The following STK32B variants were observed in gnomAD, a reference collection of about 807,000 sequenced individuals.
The protein encoded by STK32B is serine/threonine-protein kinase 32B.
STK32B carries 43 observed loss-of-function variants against 52.6 expected under a neutral mutation model. The ratio of observed to expected loss-of-function variants is 0.82; its 90% CI spans 0.64 to 1.05. The LOEUF (loss-of-function observed/expected upper bound fraction) is 1.05. STK32B is among the 50% of genes least tolerant of loss of function. STK32B has a pLI of 0.00. For missense variants in STK32B, 621 were observed against 534.6 expected (o/e 1.16, Z -1.59); for synonymous variants, 238 against 204.3 (o/e 1.17, Z -1.41).
rs1431026947 is a variant in STK32B, at chr4:5,499,573, T to G, written c.*490T>G. 1 of 152,738 alleles carries G rather than the reference T, an allele frequency of 6.5e-6. No individual in the cohort carries two copies. The highest frequency in any genetic ancestry group is 1.5e-5 in the Non-Finnish European group (1 of 68,444). 9.5% of individuals were successfully genotyped at this position (152,738 alleles called of 1,614,324 possible). A position where few individuals can be genotyped will look rare whatever the true frequency, so the allele number is the denominator to read the frequency against. ...AATAAAGGTCTGATATGTTGGCCCC[T>G]TCTATGGAAACAACGCTGCCAAATC... is the stretch of plus-strand genomic sequence containing the variant. On this transcript the variant is annotated 3_prime_UTR_variant, in exon 12 of 12. Coordinates refer to ENST00000282908, the MANE Select transcript of STK32B (RefSeq NM_018401.3).
At position 5,400,067 on chromosome 4, in the gene STK32B, A is replaced by G. The variant is rs1008930105; in HGVS notation, c.472+1823A>G. On this transcript the variant is annotated intron_variant, in intron 5 of 11. Coordinates refer to ENST00000282908, the MANE Select transcript of STK32B (RefSeq NM_018401.3). The surrounding 1 kb of genome is among the most constrained non-coding windows in gnomAD (Gnocchi z 6.1). The stretch of plus-strand genomic sequence containing the variant: ...AGCGGTCCAGAAGCAAAATTCAGAC[A>G]GAAACATCAATAGCAATAAGCTAGC... Among the ~76,000 whole-genome samples, 2 of 152,198 alleles carry G rather than the reference A, an allele frequency of 1.3e-5. No homozygotes were observed. The highest frequency in any genetic ancestry group is 4.8e-5 in the African/African-American group (2 of 41,436).
intron 6 of STK32B, among the ~76,000 whole-genome samples, chr4:5,420,419 T>C (rs1031387510): frequency 6.6e-6 from 1 of 151,918 alleles, no homozygotes; most frequent in Admixed American, 6.6e-5. Flanking sequence ...TCAAGAGAGA[T>C]CAACTGGGCG....
intron 3 of STK32B, among the ~76,000 whole-genome samples, chr4:5,172,005 C>T (rs1232119494): frequency 6.6e-6 from 1 of 151,868 alleles, no homozygotes; most frequent in Non-Finnish European, 1.5e-5. Flanking sequence ...TTGTAGTTCT[C>T]CTTGAAGAGG....
intron 11 of STK32B, 22 bp from the exon 12 acceptor site, chr4:5,498,923 T>C: frequency 6.2e-7 from 1 of 1,606,330 alleles, no homozygotes; most frequent in Non-Finnish European, 8.5e-7. Flanking sequence ...CACCACTAAC[T>C]CAGATCTGTG....
chr4:5,321,150 A>G (rs926242019), intron 3 of STK32B, among the ~76,000 whole-genome samples: 14 of 152,126 alleles, frequency 9.2e-5, no homozygotes, highest in African/African-American at 2.7e-4. Flanking sequence ...GCTTCTCTGA[A>G]CATCAGTTCT....
At chr4:5,281,732 CAA>C (rs1466658620) in intron 3 of STK32B, among the ~76,000 whole-genome samples, 3 of 152,046 alleles carry the variant, frequency 2.0e-5, no homozygotes, top group African/African-American at 2.4e-5. Context: ...AAAAGCAAGA[CAA>C]GAGTAAGTGC....
intron 3 of STK32B, among the ~76,000 whole-genome samples, chr4:5,289,071 A>G (rs1035002798): frequency 6.6e-6 from 1 of 152,222 alleles, no homozygotes; most frequent in African/African-American, 2.4e-5. Flanking sequence ...CACTGTGTGA[A>G]TATCACAGAG....
chr4:5,238,703 A>C (rs1724799070), intron 3 of STK32B, among the ~76,000 whole-genome samples: 1 of 152,216 alleles, frequency 6.6e-6, no homozygotes. Context: ...GCCAGCGTTT[A>C]GAATCAGATC....
chr4:5,251,139 A>T lies in STK32B; in HGVS notation c.261-80081A>T, dbSNP rs186912032. On this transcript the variant is annotated intron_variant, in intron 3 of 11. Transcript: ENST00000282908. ...CATCATGAAACCTTTTCTAGGCCCA[A>T]TGTCTAGAATGCTGTTTCCTAGGTT... Among the ~76,000 whole-genome samples, 10 of 152,304 alleles carry T rather than the reference A, an allele frequency of 6.6e-5. No homozygotes were observed. In the South Asian group the frequency reaches 2.1e-3, roughly 32 times the overall value.
intron 3 of STK32B, among the ~76,000 whole-genome samples, chr4:5,287,916 T>G (rs1728655424): frequency 6.6e-6 from 1 of 152,200 alleles, no homozygotes; most frequent in Non-Finnish European, 1.5e-5. Flanking sequence ...GCAGTCACTG[T>G]TGATTCCCTG....
intron 3 of STK32B, among the ~76,000 whole-genome samples, chr4:5,192,895 C>T (rs994780711): frequency 6.6e-6 from 1 of 152,212 alleles, no homozygotes; most frequent in African/African-American, 2.4e-5. Flanking sequence ...CCCTGGCACC[C>T]TCCGTTCCAC....
chr4:5,496,560 G>A (rs918041759), intron 11 of STK32B, among the ~76,000 whole-genome samples: 1 of 121,148 alleles, frequency 8.3e-6, no homozygotes, highest in Admixed American at 7.4e-5. Context: ...TGCACCCACT[G>A]TCCTGTGCCC....
chr4:5,410,902 G>A (rs1030354834), intron 5 of STK32B, among the ~76,000 whole-genome samples: 11 of 152,160 alleles, frequency 7.2e-5, no homozygotes, highest in Non-Finnish European at 1.0e-4. Context: ...TCTGGTGAGG[G>A]CTGCTCTCTG....
rs781445086 is a variant in STK32B, at chr4:5,456,883, C to T, written c.743C>T (p.Ser248Phe). 5.6e-6 allele frequency: 9 copies of T among 1,594,274 alleles called. No individual in the cohort carries two copies. Among genetic ancestry groups the T allele is most frequent in the South Asian group, 4.6e-5 (4 of 86,752 alleles). ...TTCAAGGTGGAGCGTGTCCACTACT[C>T]CTCCACGTGGTGCAAGGGGATGGTG... Reference protein sequence around the residue: ...NMFKVERVHYSSTWCKGMVAL... With the variant: ...NMFKVERVHYFSTWCKGMVAL... The change falls in exon 8 of 12, where the codon TCC (serine) becomes TTC (phenylalanine). Residue 248 changes from serine to phenylalanine, a missense_variant. Physicochemically the swap from Ser to Phe is radical, Grantham distance 155. Coordinates refer to ENST00000282908, the MANE Select transcript of STK32B (RefSeq NM_018401.3).
At chr4:5,281,520 A>G (rs1279659584) in intron 3 of STK32B, among the ~76,000 whole-genome samples, 1 of 152,190 alleles carries the variant, frequency 6.6e-6, no homozygotes, top group African/African-American at 2.4e-5. Flanking sequence ...TTACAGGTTG[A>G]TGGATGCAGC....
At chr4:5,183,136 C>T (rs1477236582) in intron 3 of STK32B, among the ~76,000 whole-genome samples, 2 of 152,038 alleles carry the variant, frequency 1.3e-5, no homozygotes, top group Non-Finnish European at 2.9e-5. Flanking sequence ...TTAAAGTCAC[C>T]GACTGCATTA....
chr4:5,374,033 A>T (rs1365935644), intron 4 of STK32B, among the ~76,000 whole-genome samples: 6 of 152,242 alleles, frequency 3.9e-5, no homozygotes, highest in African/African-American at 1.2e-4. Flanking sequence ...CCAATGACTG[A>T]TGTCTTTATA....
intron 3 of STK32B, among the ~76,000 whole-genome samples, chr4:5,235,194 A>G (rs1724537366): frequency 6.6e-6 from 1 of 152,230 alleles, no homozygotes; most frequent in South Asian, 2.1e-4. Context: ...TGGTCTATAA[A>G]ATGGTGATTG....
chr4:5,364,570 C>A (rs1734752312), intron 4 of STK32B, among the ~76,000 whole-genome samples: 1 of 152,154 alleles, frequency 6.6e-6, no homozygotes, highest in Non-Finnish European at 1.5e-5. Context: ...CACAACTAGC[C>A]AAGAGAAAAT....
Sources: gnomAD v4.1 joint callset for allele counts (sites outside exome capture counted in the v4.1 genomes callset) on GRCh38, gnomAD v4.1.1 for gene constraint, Gnocchi (gnomAD v3.1) non-coding constraint, MANE v1.5 for transcripts, NCBI Gene and HGNC (gene_info 2026-07-23, HGNC 2026-07-21) for gene names.